The following WDR27 variants were observed in gnomAD, a reference collection of about 807,000 sequenced individuals.
WDR27 encodes WD repeat domain 27.
WDR27 carries 100 observed loss-of-function variants against 114.4 expected under a neutral mutation model. That is an observed-to-expected ratio of 0.87 (90% CI 0.74 to 1.03). The LOEUF (loss-of-function observed/expected upper bound fraction) is 1.03, where lower values mean the gene tolerates loss of function less well. Ranked by LOEUF, WDR27 falls within the 50% of genes least tolerant of loss-of-function variation. WDR27 has a pLI of 0.00. For missense variants in WDR27, 1,129 were observed against 1,092.9 expected (o/e 1.03, Z -0.47); for synonymous variants, 449 against 423.1 (o/e 1.06, Z -0.75).
chr6:169,645,053 A>G, intron 16 of WDR27, among the ~76,000 whole-genome samples: 2 of 141,536 alleles, frequency 1.4e-5, no homozygotes, highest in African/African-American at 2.7e-5. Flanking sequence ...AAAAAAAAAA[A>G]AAAAAGAAAA....
At chr6:169,531,619 G>C (rs1168581982) in intron 25 of WDR27, among the ~76,000 whole-genome samples, 1 of 151,958 alleles carries the variant, frequency 6.6e-6, no homozygotes, top group Non-Finnish European at 1.5e-5. Context: ...AGGTGCACAG[G>C]GCAGGTGAGG....
In WDR27 at chr6:169,500,450, A is replaced by T. The variant is rs1352195073; in HGVS notation, c.2646-42816T>A. ...CAGGAGCTATCTGTTTTCTCTTATC[A>T]AGGAGAGTCACCCATCTTCATCTTC... On this transcript the variant is annotated intron_variant, in intron 25 of 25. Coordinates refer to ENST00000448612, the MANE Select transcript of WDR27 (RefSeq NM_182552.5). Among the ~76,000 whole-genome samples, 2 of 152,078 alleles carry T rather than the reference A, an allele frequency of 1.3e-5. 1 individual carries two copies. Among genetic ancestry groups the T allele is most frequent in the Non-Finnish European group, 2.9e-5 (2 of 68,030 alleles).
intron 25 of WDR27, among the ~76,000 whole-genome samples, chr6:169,542,125 A>G (rs977649758): frequency 6.6e-6 from 1 of 152,196 alleles, no homozygotes; most frequent in African/African-American, 2.4e-5. Context: ...GGAGGTAAAA[A>G]TGTATATGCA....
intron 21 of WDR27, among the ~76,000 whole-genome samples, chr6:169,622,165 C>G (rs1213358719): frequency 6.6e-6 from 1 of 152,206 alleles, no homozygotes; most frequent in Non-Finnish European, 1.5e-5. Context: ...TGTCTTCCTG[C>G]CTTTGCTTCG....
At chr6:169,697,321 A>G (rs1240755443) in intron 1 of WDR27, among the ~76,000 whole-genome samples, 1 of 152,196 alleles carries the variant, frequency 6.6e-6, no homozygotes, top group Admixed American at 6.5e-5. Context: ...TCCTTGGTCT[A>G]GCGGTAACGC....
At chr6:169,686,243 T>C (rs561274872) in intron 2 of WDR27, among the ~76,000 whole-genome samples, 3 of 152,182 alleles carry the variant, frequency 2.0e-5, no homozygotes, top group African/African-American at 7.2e-5. Flanking sequence ...CATGAAAACA[T>C]GGAAAACTAC....
At chr6:169,570,090 T>C (rs1801132580) in intron 25 of WDR27, among the ~76,000 whole-genome samples, 1 of 152,190 alleles carries the variant, frequency 6.6e-6, no homozygotes, top group Non-Finnish European at 1.5e-5. Context: ...TCTACCTTCA[T>C]GGTCTGCGGG....
At chr6:169,537,805 G>C (rs886113073) in intron 25 of WDR27, among the ~76,000 whole-genome samples, 10 of 152,180 alleles carry the variant, frequency 6.6e-5, no homozygotes, top group African/African-American at 2.4e-4. Flanking sequence ...CAGCTGTTAA[G>C]AGACGGTGGT....
At chr6:169,534,538 TTTA>T (rs1339489613) in intron 25 of WDR27, among the ~76,000 whole-genome samples, 1 of 152,082 alleles carries the variant, frequency 6.6e-6, no homozygotes, top group Non-Finnish European at 1.5e-5. Context: ...GGAAGTTTTT[TTTA>T]TTATTATTAC....
intron 3 of WDR27, 31 bp from the exon 4 acceptor site, chr6:169,670,724 T>C: frequency 6.2e-7 from 1 of 1,612,338 alleles, no homozygotes; most frequent in Non-Finnish European, 8.5e-7. Context: ...AGTGCCAGTT[T>C]ACCAAATGCA....
At chr6:169,682,621 C>A (rs749258514) in intron 2 of WDR27, among the ~76,000 whole-genome samples, 3 of 152,208 alleles carry the variant, frequency 2.0e-5, no homozygotes, top group Non-Finnish European at 4.4e-5. Flanking sequence ...CAAAGCCAGA[C>A]TTACGAAGAC....
At chr6:169,664,691 A>G (rs1240680838) in intron 7 of WDR27, 1 of 1,009,676 alleles carries the variant, frequency 9.9e-7, no homozygotes, top group African/African-American at 1.7e-5. Context: ...AAAAAATCTA[A>G]GTTTTCAAAA....
chr6:169,588,315 TAATA>T lies in WDR27; in HGVS notation c.2425-5385_2425-5382del, dbSNP rs1444562586. 2.6e-5 allele frequency among the ~76,000 whole-genome samples: 4 copies of T among 152,360 alleles called. No homozygotes were observed. In the South Asian group the frequency reaches 6.2e-4, roughly 24 times the overall value. ...CTTGACTGAGAATGTGCATACATTC[TAATA>T]AATTTTAACTTTTTAAAAAGATGTG... On this transcript the variant is annotated intron_variant, in intron 23 of 25. Coordinates refer to ENST00000448612, the MANE Select transcript of WDR27 (RefSeq NM_182552.5).
intron 21 of WDR27, among the ~76,000 whole-genome samples, chr6:169,627,172 T>C (rs978088601): frequency 1.3e-5 from 2 of 152,228 alleles, no homozygotes; most frequent in African/African-American, 4.8e-5. Flanking sequence ...GAAACAATGT[T>C]CATTACAGTA....
intron 25 of WDR27, among the ~76,000 whole-genome samples, chr6:169,562,294 A>G (rs1202542452): frequency 6.6e-6 from 1 of 152,256 alleles, no homozygotes; most frequent in Non-Finnish European, 1.5e-5. Flanking sequence ...AAGCCATGCA[A>G]AGTATTTCCT....
At chr6:169,587,224 T>TTC (rs1329867347) in intron 23 of WDR27, among the ~76,000 whole-genome samples, 1 of 133,410 alleles carries the variant, frequency 7.5e-6, no homozygotes, top group African/African-American at 2.8e-5. Flanking sequence ...CTTTTTTTTT[T>TTC]TTTTTTTTTT....
At chr6:169,526,645 T>C (rs1308707871) in intron 25 of WDR27, among the ~76,000 whole-genome samples, 3 of 151,520 alleles carry the variant, frequency 2.0e-5, no homozygotes, top group Non-Finnish European at 4.4e-5. Flanking sequence ...TAAGATAAAA[T>C]AAGCATCCAA....
intron 21 of WDR27, among the ~76,000 whole-genome samples, chr6:169,629,208 C>A (rs1206698534): frequency 2.0e-5 from 3 of 152,042 alleles, no homozygotes; most frequent in Non-Finnish European, 4.4e-5. Flanking sequence ...TTATCTTAAA[C>A]CTTGCATGTT....
chr6:169,514,559 A>G (rs1793377173), intron 25 of WDR27, among the ~76,000 whole-genome samples: 1 of 147,556 alleles, frequency 6.8e-6, no homozygotes, highest in Admixed American at 6.8e-5. Context: ...ATATATATAT[A>G]AAATATAGAT....
Sources: allele counts gnomAD v4.1 joint callset (sites outside exome capture counted in the v4.1 genomes callset), GRCh38; gene constraint gnomAD v4.1.1; transcripts MANE v1.5; gene names NCBI Gene and HGNC (gene_info 2026-07-23, HGNC 2026-07-21).